VPS53: variants seen among roughly 807,000 people sequenced by gnomAD.
VPS53 encodes the protein VPS53 subunit of GARP complex.
VPS53 carries 70 observed loss-of-function variants against 107.0 expected under a neutral mutation model. The ratio of observed to expected loss-of-function variants is 0.65; its 90% CI spans 0.54 to 0.80. The LOEUF (loss-of-function observed/expected upper bound fraction) is 0.80. Ranked by LOEUF, VPS53 falls within the 30% of genes least tolerant of loss-of-function variation. The pLI is 0.00. For synonymous variants in VPS53, 409 were observed against 393.3 expected (o/e 1.04, Z -0.47); for missense variants, 917 against 1,049.4 (o/e 0.87, Z 1.74).
intron 15 of VPS53, among the ~76,000 whole-genome samples, chr17:557,023 G>C (rs1017860309): frequency 6.6e-6 from 1 of 151,874 alleles, no homozygotes; most frequent in Non-Finnish European, 1.5e-5. Context: ...GCTAATTTTT[G>C]TATTCTTTTA....
At chr17:644,896 C>T (rs1423556099) in intron 7 of VPS53, among the ~76,000 whole-genome samples, 1 of 152,162 alleles carries the variant, frequency 6.6e-6, no homozygotes, top group Non-Finnish European at 1.5e-5. Context: ...TTTAGTGTTA[C>T]TTAATAGCAC....
rs1175179068 is a variant in VPS53 at position 582,193 on chromosome 17, T to A, written c.1313+4077A>T. Among the ~76,000 whole-genome samples the A allele has an allele frequency of 5.5e-4, 73 of 133,512 alleles. 1 individual carries two copies. 87.6% of individuals were successfully genotyped at this position (133,512 alleles called of 152,430 possible). A position where few individuals can be genotyped will look rare whatever the true frequency, so the allele number is the denominator to read the frequency against. Reference sequence around the variant, plus strand: ...CCAGAGAACCTCCCTCAGAACCTAATGCATCCCAGAGAACATCACTCAGAA... The same window carrying A: ...CCAGAGAACCTCCCTCAGAACCTAAAGCATCCCAGAGAACATCACTCAGAA... On this transcript the variant is annotated intron_variant, in intron 13 of 21. Transcript: ENST00000437048.
At chr17:678,731 C>CG (rs1250861832) in intron 4 of VPS53, among the ~76,000 whole-genome samples, 1 of 151,862 alleles carries the variant, frequency 6.6e-6, no homozygotes, top group Non-Finnish European at 1.5e-5. Context: ...CTCCACCCCC[C>CG]GGGTTCACGC....
chr17:537,935 T>C (rs1258027171), intron 17 of VPS53: 1 of 152,068 alleles, frequency 6.6e-6, no homozygotes, highest in Non-Finnish European at 1.5e-5. Context: ...TGGCAAACAC[T>C]AGGGTGGACC....
chr17:578,004 A>T (rs931122978), intron 13 of VPS53, among the ~76,000 whole-genome samples: 3 of 144,376 alleles, frequency 2.1e-5, no homozygotes, highest in Admixed American at 6.9e-5. Context: ...CCCTCAGAAC[A>T]TAATGCGTTC....
intron 3 of VPS53, among the ~76,000 whole-genome samples, chr17:698,012 CCAG>C (rs1973048283): frequency 6.6e-6 from 1 of 152,152 alleles, no homozygotes; most frequent in South Asian, 2.1e-4. Flanking sequence ...ACCCAACCCA[CCAG>C]CAGATCTGAC....
At chr17:641,044 C>G (rs1405015435) in intron 7 of VPS53, among the ~76,000 whole-genome samples, 1 of 152,062 alleles carries the variant, frequency 6.6e-6, no homozygotes, top group South Asian at 2.1e-4. Flanking sequence ...TTAGTAGAGA[C>G]AGGGTTTCAC....
chr17:714,545 C>T (rs1973775293), intron 1 of VPS53, 78 bp downstream of exon 1: 5 of 1,431,584 alleles, frequency 3.5e-6, no homozygotes, highest in Middle Eastern at 1.9e-4. Context: ...GTCCACCCGC[C>T]GCGGCCTCCC....
intron 13 of VPS53, among the ~76,000 whole-genome samples, chr17:580,281 A>C (rs1207703577): frequency 9.8e-4 from 111 of 112,726 alleles, no homozygotes; most frequent in Middle Eastern, 7.7e-3. Flanking sequence ...TCCCAGAGAA[A>C]TTCCCTCAGA....
chr17:677,566 T>C (rs2143758468), intron 4 of VPS53, among the ~76,000 whole-genome samples: 1 of 152,220 alleles, frequency 6.6e-6, no homozygotes, highest in South Asian at 2.1e-4. Flanking sequence ...ATGAATGTAA[T>C]TAATACCACT....
intron 5 of VPS53, chr17:656,979 C>G: frequency 1.1e-6 from 1 of 921,694 alleles, no homozygotes; most frequent in Non-Finnish European, 1.8e-6. Context: ...TCAGAAGATC[C>G]CGGGTACCTC....
At chr17:696,156 A>G (rs1461379907) in intron 4 of VPS53, among the ~76,000 whole-genome samples, 1 of 152,248 alleles carries the variant, frequency 6.6e-6, no homozygotes, top group African/African-American at 2.4e-5. Context: ...GATGATGACA[A>G]GAAGGCCAGC....
At chr17:598,499 C>T (rs1968111110) in intron 12 of VPS53, among the ~76,000 whole-genome samples, 1 of 151,690 alleles carries the variant, frequency 6.6e-6, no homozygotes, top group African/African-American at 2.4e-5. Context: ...CGGCCGCCAT[C>T]CCACCTAGGA....
chr17:544,012 A>G (rs1910963411), intron 17 of VPS53, among the ~76,000 whole-genome samples: 1 of 49,756 alleles, frequency 2.0e-5, no homozygotes, highest in Non-Finnish European at 3.0e-5. Flanking sequence ...GGAGGGAGGG[A>G]GTGAGGAAGG....
At chr17:551,990 A>T in intron 16 of VPS53, 40 bp from the exon 17 acceptor site, 1 of 1,526,618 alleles carries the variant, frequency 6.6e-7, no homozygotes, top group Non-Finnish European at 8.9e-7. Flanking sequence ...CCTTTCAAAC[A>T]ACGGCCGTCT....
chr17:648,015 G>A (rs1970777013), intron 7 of VPS53, among the ~76,000 whole-genome samples: 1 of 152,196 alleles, frequency 6.6e-6, no homozygotes, highest in South Asian at 2.1e-4. Flanking sequence ...GTGGGCCTCT[G>A]GGTCTGAGAA....
At chr17:640,368 C>T (rs1970375322) in intron 7 of VPS53, among the ~76,000 whole-genome samples, 1 of 152,132 alleles carries the variant, frequency 6.6e-6, no homozygotes. Flanking sequence ...GATGCCCTGC[C>T]CTGCTTCAGC....
chr17:714,775 G>GC lies in VPS53; in HGVS notation c.-67dup. On this transcript the variant is annotated 5_prime_UTR_variant, in exon 1 of 22. Coordinates refer to ENST00000437048, the MANE Select transcript of VPS53 (RefSeq NM_001128159.3). Reference sequence around the variant, plus strand: ...ACTCAGGCCTCCAGCCGCCACCCAGGCCCCAGCACAGCAACTCCCTCGCGG... The same window carrying GC: ...ACTCAGGCCTCCAGCCGCCACCCAGGCCCCCAGCACAGCAACTCCCTCGCGG... The GC allele has an allele frequency of 6.4e-7, 1 of 1,573,550 alleles. No individual in the cohort carries two copies. Among genetic ancestry groups the GC allele is most frequent in the Non-Finnish European group, 8.7e-7 (1 of 1,145,040 alleles).
intron 4 of VPS53, among the ~76,000 whole-genome samples, chr17:673,095 G>T (rs1168594761): frequency 6.8e-6 from 1 of 146,184 alleles, no homozygotes; most frequent in Non-Finnish European, 1.5e-5. Flanking sequence ...CTGGGGCACA[G>T]AGCAAGATTC....
Sources: allele counts gnomAD v4.1 joint callset (sites outside exome capture counted in the v4.1 genomes callset), GRCh38; gene constraint gnomAD v4.1.1; transcripts MANE v1.5; gene names NCBI Gene and HGNC (gene_info 2026-07-23, HGNC 2026-07-21).